Variants in FBRSL1 observed in about 807,000 individuals in gnomAD.
The protein encoded by FBRSL1 is fibrosin like 1.
Under a neutral mutation model 89.6 loss-of-function variants are expected in FBRSL1, and 51 were observed. The observed-to-expected ratio is 0.57, with a 90% CI of 0.45 to 0.72. The LOEUF (loss-of-function observed/expected upper bound fraction) is 0.72. Among genes scored for constraint, FBRSL1 ranks in the 30% least tolerant of loss-of-function variants. The probability of loss-of-function intolerance (pLI) is 0.00; values close to 1 mark genes in which losing one functional copy is unlikely to be tolerated. For missense variants in FBRSL1, 1,618 were observed against 1,451.8 expected (o/e 1.11, Z -1.86); for synonymous variants, 779 against 681.1 (o/e 1.14, Z -2.24).
chr12:132,503,402 T>G (rs1380639611), intron 1 of FBRSL1, among the ~76,000 whole-genome samples: 1 of 152,172 alleles, frequency 6.6e-6, no homozygotes, highest in Non-Finnish European at 1.5e-5. Context: ...TGTGGGTGCG[T>G]GATGTGGGGT....
chr12:132,533,828 G>A (rs1387784179), intron 4 of FBRSL1, among the ~76,000 whole-genome samples: 1 of 152,236 alleles, frequency 6.6e-6, no homozygotes, highest in African/African-American at 2.4e-5. Flanking sequence ...CCAGAGGGGA[G>A]AGGAGCCAGT....
chr12:132,497,198 G>A (rs777874959), intron 1 of FBRSL1, among the ~76,000 whole-genome samples: 4 of 152,172 alleles, frequency 2.6e-5, no homozygotes, highest in African/African-American at 4.8e-5. Flanking sequence ...CAGAATACTC[G>A]GGTCCCAGCA....
intron 5 of FBRSL1, among the ~76,000 whole-genome samples, chr12:132,558,302 G>A (rs2137563569): frequency 6.6e-6 from 1 of 152,344 alleles, no homozygotes; most frequent in Non-Finnish European, 1.5e-5. Context: ...CGGCCAGCCT[G>A]CCGGCTCAGC....
In FBRSL1 at chr12:132,581,505, G is replaced by A; in HGVS notation, c.1901G>A (p.Gly634Asp). Reference sequence around the variant, plus strand: ...CATCCTGGCAGCTTCCTGCCCACTGGCCCCCTGACAGGTGGGTGTCTCTGA... The same window carrying A: ...CATCCTGGCAGCTTCCTGCCCACTGACCCCCTGACAGGTGGGTGTCTCTGA... Reference protein sequence around the residue: ...SAHPGSFLPTGPLTDPFSRPS... With the variant: ...SAHPGSFLPTDPLTDPFSRPS... The change falls in exon 16 of 19, where the codon GGC (glycine) becomes GAC (aspartate). Residue 634 changes from glycine (G) to aspartate (D), a missense_variant. Transcript: ENST00000680143. 1 of 1,551,014 alleles carries A rather than the reference G, an allele frequency of 6.4e-7. No homozygotes were observed. The highest frequency in any genetic ancestry group is 8.7e-7 in the Non-Finnish European group (1 of 1,146,912).
At chr12:132,497,444 G>C (rs12815264) in intron 1 of FBRSL1, among the ~76,000 whole-genome samples, 3 of 152,020 alleles carry the variant, frequency 2.0e-5, no homozygotes, top group African/African-American at 7.2e-5. Flanking sequence ...AGGCAGCCAC[G>C]GGAGGAGCCC....
rs575016782 is a variant in FBRSL1, at chr12:132,513,057, G to A, written c.489+4707G>A. ...GGTGGGGACACTGCTGCCAGGCGTC[G>A]CCCTGGGAAATGCAGATTTCGTGTG... On this transcript the variant is annotated intron_variant, in intron 2 of 18. Coordinates refer to ENST00000680143, the MANE Select transcript of FBRSL1 (RefSeq NM_001367871.1). 5.6e-4 allele frequency among the ~76,000 whole-genome samples: 85 copies of A among 152,356 alleles called. No individual in the cohort carries two copies. In the Middle Eastern group the frequency reaches 0.01, roughly 18 times the overall value.
chr12:132,514,613 A>G (rs2034667144), intron 2 of FBRSL1, among the ~76,000 whole-genome samples: 1 of 152,142 alleles, frequency 6.6e-6, no homozygotes, highest in South Asian at 2.1e-4. Context: ...AAGGGTTTTC[A>G]TGCTGAGCCA....
At chr12:132,523,991 CA>C in intron 2 of FBRSL1, among the ~76,000 whole-genome samples, 1 of 152,328 alleles carries the variant, frequency 6.6e-6, no homozygotes, top group African/African-American at 2.4e-5. Context: ...TGTGAGAGTC[CA>C]GCTGGTGACA....
At chr12:132,502,972 G>A (rs2033204064) in intron 1 of FBRSL1, among the ~76,000 whole-genome samples, 1 of 151,156 alleles carries the variant, frequency 6.6e-6, no homozygotes, top group Non-Finnish European at 1.5e-5. Context: ...CCATGACACC[G>A]TCACCAATGG....
Position 132,583,274 on chromosome 12 carries a change from C to G in FBRSL1, c.2505C>G (p.Pro835=). Residue 835 remains proline (P), a synonymous_variant, in exon 19 of 19, where the codon CCC becomes CCG. Transcript: ENST00000680143. The part of the protein sequence containing the change: ...EPPAGGLHPA[P]LQLGLGRERL... Reference sequence around the variant, plus strand: ...CGGCGGGCGGCCTGCACCCCGCGCCCCTGCAGCTCGGCCTGGGCCGCGAGC... The same window carrying G: ...CGGCGGGCGGCCTGCACCCCGCGCCGCTGCAGCTCGGCCTGGGCCGCGAGC... 4 of 1,283,698 alleles carry G rather than the reference C, an allele frequency of 3.1e-6. No individual in the cohort carries two copies. Among genetic ancestry groups the G allele is most frequent in the Non-Finnish European group, 3.9e-6 (4 of 1,014,886 alleles). The allele number at this position is 1,283,698 out of a possible 1,614,324, so 79.5% of individuals were successfully genotyped here. A position where few individuals can be genotyped will look rare whatever the true frequency, so the allele number is the denominator to read the frequency against.
At chr12:132,491,842 C>T (rs1470029647) in intron 1 of FBRSL1, among the ~76,000 whole-genome samples, 2 of 152,248 alleles carry the variant, frequency 1.3e-5, no homozygotes, top group Non-Finnish European at 2.9e-5. Flanking sequence ...AGAACAGGTG[C>T]CGCATCGTGT....
chr12:132,570,236 C>T lies in FBRSL1; in HGVS notation c.1002C>T (p.Gly334=), dbSNP rs2039916516. The T allele has an allele frequency of 2.0e-6, 3 of 1,494,220 alleles. No homozygotes were observed. Among genetic ancestry groups the T allele is most frequent in the East Asian group, 5.2e-5 (2 of 38,550 alleles). 92.6% of individuals were successfully genotyped at this position (1,494,220 alleles called of 1,614,324 possible). ...HSQAAANGLH[G]LSRSSSAPLG... ...AGGCGGCAGCCAACGGCCTGCACGG[C>T]CTCAGGTGGGGTCCCCGCGGGGGAC... The change falls in exon 7 of 19, where the codon GGC becomes GGT. Residue 334 remains glycine (G), a synonymous_variant. Coordinates refer to ENST00000680143, the MANE Select transcript of FBRSL1 (RefSeq NM_001367871.1).
intron 4 of FBRSL1, among the ~76,000 whole-genome samples, chr12:132,532,354 C>T (rs2036358446): frequency 6.6e-6 from 1 of 152,324 alleles, no homozygotes; most frequent in Non-Finnish European, 1.5e-5. Flanking sequence ...TCAGACCTCC[C>T]TCACCACTCG....
intron 5 of FBRSL1, among the ~76,000 whole-genome samples, chr12:132,562,763 C>T (rs4988977): frequency 0.41 from 62,955 of 151,938 alleles, 14,003 homozygotes; most frequent in East Asian, 0.85. Context: ...AGGCCCGCCT[C>T]GGCTCTTGCC....
In FBRSL1 at chr12:132,576,865, G is replaced by T; in HGVS notation, c.1768G>T (p.Ala590Ser). The change falls in exon 15 of 19, where the codon GCC becomes TCC. Residue 590 changes from alanine (A) to serine (S), a missense_variant. Ala to Ser is a moderately conservative substitution (Grantham distance 99, BLOSUM62 1). Transcript: ENST00000680143. The part of the protein sequence containing the change: ...AKLDLFGRPP[A>S]PGVFAGFHYP... ...GCTGGACCTGTTCGGCAGACCCCCT[G>T]CCCCGGGCGTGTTTGCAGGCTTCCA... The T allele has an allele frequency of 6.4e-7, 1 of 1,550,778 alleles. No individual in the cohort carries two copies. Among genetic ancestry groups the T allele is most frequent in the African/African-American group, 1.4e-5 (1 of 73,140 alleles).
intron 2 of FBRSL1, 77 bp downstream of exon 2, chr12:132,508,427 A>C: frequency 7.4e-7 from 1 of 1,348,692 alleles, no homozygotes; most frequent in Non-Finnish European, 9.7e-7. Flanking sequence ...CAGCACCTGG[A>C]CACCACGCCA....
chr12:132,533,103 C>A lies in FBRSL1; in HGVS notation c.615+5115C>A, dbSNP rs918324045. 2.6e-5 allele frequency among the ~76,000 whole-genome samples: 4 copies of A among 151,640 alleles called. No homozygotes were observed. In the South Asian group the frequency reaches 8.3e-4, roughly 32 times the overall value. On this transcript the variant is annotated intron_variant, in intron 4 of 18. Transcript: ENST00000680143. ...ACGGTCTCCTCCCAACCCAGCCTCTCCCTGGAGTCAGAGAGCTGCAGTCTC... is the reference window on the plus strand; with the variant it reads ...ACGGTCTCCTCCCAACCCAGCCTCTACCTGGAGTCAGAGAGCTGCAGTCTC...
intron 5 of FBRSL1, among the ~76,000 whole-genome samples, chr12:132,564,552 G>A (rs2039428753): frequency 1.0e-5 from 1 of 99,538 alleles, no homozygotes; most frequent in Non-Finnish European, 1.9e-5. Context: ...CTGGAGTCCA[G>A]TGGTACGATC....
intron 1 of FBRSL1, among the ~76,000 whole-genome samples, chr12:132,503,707 G>A (rs919349069): frequency 6.6e-6 from 1 of 152,238 alleles, no homozygotes; most frequent in Admixed American, 6.5e-5. Flanking sequence ...ATGGGAGGCA[G>A]CCATGCCAGC....
Sources: allele counts gnomAD v4.1 joint callset (sites outside exome capture counted in the v4.1 genomes callset), GRCh38; gene constraint gnomAD v4.1.1; transcripts MANE v1.5; gene names NCBI Gene and HGNC (gene_info 2026-07-23, HGNC 2026-07-21).